Variants in PRDM16 observed in about 807,000 individuals in gnomAD.
The protein encoded by PRDM16 is PR/SET domain 16, also known as histone-lysine N-methyltransferase PRDM16.
Under a neutral mutation model 110.6 loss-of-function variants are expected in PRDM16, and 23 were observed. That is an observed-to-expected ratio of 0.21 (90% CI 0.15 to 0.29). The LOEUF (loss-of-function observed/expected upper bound fraction) is 0.29. Ranked by LOEUF, PRDM16 falls within the 10% of genes least tolerant of loss-of-function variation. The probability of loss-of-function intolerance (pLI) is 1.00; values close to 1 mark genes in which losing one functional copy is unlikely to be tolerated. For missense variants in PRDM16, 1,615 were observed against 1,794.3 expected (o/e 0.90, Z 1.81); for synonymous variants, 799 against 781.8 (o/e 1.02, Z -0.37).
intron 1 of PRDM16, among the ~76,000 whole-genome samples, chr1:3,129,835 C>T (rs1029765656): frequency 6.6e-6 from 1 of 151,852 alleles, no homozygotes; most frequent in Admixed American, 6.5e-5. Context: ...TCTCTTTCCC[C>T]CTCTCTGTCT....
intron 1 of PRDM16, among the ~76,000 whole-genome samples, chr1:3,147,529 G>A (rs1356925016): frequency 6.6e-6 from 1 of 152,138 alleles, no homozygotes; most frequent in Non-Finnish European, 1.5e-5. Context: ...TTCTCTTTGA[G>A]AAATGGGATC....
At chr1:3,352,886 G>A (rs895700778) in intron 3 of PRDM16, among the ~76,000 whole-genome samples, 1 of 150,536 alleles carries the variant, frequency 6.6e-6, no homozygotes. Context: ...CAGTCAGGCC[G>A]CATTTGGTGT....
Position 3,402,890 on chromosome 1 carries a change from C to A in PRDM16, c.776C>A (p.Ala259Glu). The change falls in exon 6 of 17, where the codon GCG becomes GAG. Residue 259 changes from alanine to glutamate, a missense_variant. Coordinates refer to ENST00000270722, the MANE Select transcript of PRDM16 (RefSeq NM_022114.4). ...TACACGTGTGGCTCAGTGGGGGCTG[C>A]GCTCTACGAGGGCCTGGCTGAGGAG... ...KKYTCGSVGA[A>E]LYEGLAEELK... is the part of the protein sequence containing the mutation. 6.2e-7 allele frequency: 1 copy of A among 1,613,020 alleles called. No individual in the cohort carries two copies. The highest frequency in any genetic ancestry group is 8.5e-7 in the Non-Finnish European group (1 of 1,179,990).
chr1:3,417,800 C>T (rs774289596), intron 10 of PRDM16, 28 bp from the exon 11 acceptor site: 2 of 1,609,412 alleles, frequency 1.2e-6, no homozygotes, highest in Non-Finnish European at 8.5e-7. Flanking sequence ...TCAGCTGAGT[C>T]CATAACCTCC....
intron 2 of PRDM16, among the ~76,000 whole-genome samples, chr1:3,240,056 A>AGGAGGAGAGG (rs1220138751): frequency 2.9e-5 from 3 of 103,398 alleles, no homozygotes; most frequent in African/African-American, 1.2e-4. Flanking sequence ...AGGAGAGGAG[A>AGGAGGAGAGG]AGAGGAGAGG....
At chr1:3,162,448 A>G (rs1643906904) in intron 1 of PRDM16, among the ~76,000 whole-genome samples, 1 of 152,130 alleles carries the variant, frequency 6.6e-6, no homozygotes, top group African/African-American at 2.4e-5. Context: ...AAGCATATTC[A>G]CAACTCCCAA....
rs1312107445 is a variant in PRDM16, at chr1:3,206,376, G to A, written c.387+19902G>A. On this transcript the variant is annotated intron_variant, in intron 2 of 16. Coordinates refer to ENST00000270722, the MANE Select transcript of PRDM16 (RefSeq NM_022114.4). This position sits in a 1 kb window ranked among gnomAD's most constrained non-coding sequence, Gnocchi z 4.9. ...CACGGGGTTCCTCTCGGGGCACTGG[G>A]GATCCCGAAAGCGTGTCTGGTGCAG... 6.6e-6 allele frequency: 1 copy of A among 152,346 alleles called. No individual in the cohort carries two copies. Among genetic ancestry groups the A allele is most frequent in the Non-Finnish European group, 1.5e-5 (1 of 68,140 alleles). The allele number at this position is 152,346 out of a possible 1,614,324, so 9.4% of individuals were successfully genotyped here. A position where few individuals can be genotyped will look rare whatever the true frequency, so the allele number is the denominator to read the frequency against.
chr1:3,196,828 G>A (rs960078675), intron 2 of PRDM16, among the ~76,000 whole-genome samples: 3 of 152,240 alleles, frequency 2.0e-5, no homozygotes, highest in African/African-American at 7.2e-5. Flanking sequence ...GCCCAGAGAG[G>A]CTTTTCCTAA....
Position 3,411,935 on chromosome 1 carries a change from G to C in PRDM16, c.1738G>C (p.Glu580Gln). 1 of 1,613,704 alleles carries C rather than the reference G, an allele frequency of 6.2e-7. No homozygotes were observed. ...AGCTGCGGGGCCCGAGGAGAAGTTC[G>C]AGAGCCGCCTGGAGGACTCCTGTGT... ...TAAAGPEEKF[E>Q]SRLEDSCVEK... is the part of the protein sequence containing the mutation. Residue 580 changes from glutamate to glutamine, a missense_variant, in exon 9 of 17, where the codon GAG becomes CAG. Around this residue, in one of 5 missense-constraint regions of PRDM16, gnomAD observed 772 missense variants for 748.3 expected, o/e 1.03. Transcript: ENST00000270722.
intron 3 of PRDM16, among the ~76,000 whole-genome samples, chr1:3,337,903 C>CT (rs201007676): frequency 0.034 from 5,238 of 152,296 alleles, 314 homozygotes; most frequent in African/African-American, 0.12. Flanking sequence ...CACACATGGG[C>CT]ACTTGTGTAC....
At chr1:3,307,775 G>C (rs911789184) in intron 3 of PRDM16, 1 of 152,176 alleles carries the variant, frequency 6.6e-6, no homozygotes, top group Non-Finnish European at 1.5e-5. Context: ...AGGGATCCTG[G>C]TAGTAGCCCT....
At chr1:3,169,033 CA>C (rs2100756483) in intron 1 of PRDM16, among the ~76,000 whole-genome samples, 1 of 152,306 alleles carries the variant, frequency 6.6e-6, no homozygotes, top group East Asian at 1.9e-4. Context: ...GAAGCCTCCC[CA>C]CCCCTGTAAG....
rs757030502 is a variant in PRDM16 at position 3,373,331 on chromosome 1, CAGTG to C, written c.439-11818_439-11815del. Reference sequence around the variant, plus strand: ...CGGAAATCGCCATGCCCTGGAGAGACAGTGAGAGCCCCGCCCCAGCGTGCCTTTG... The same window carrying C: ...CGGAAATCGCCATGCCCTGGAGAGACAGAGCCCCGCCCCAGCGTGCCTTTG... On this transcript the variant is annotated intron_variant, in intron 3 of 16. Coordinates refer to ENST00000270722, the MANE Select transcript of PRDM16 (RefSeq NM_022114.4). Among the ~76,000 whole-genome samples the C allele has an allele frequency of 8.7e-4, 132 of 152,298 alleles. No individual in the cohort carries two copies. In the Middle Eastern group the frequency reaches 0.014, roughly 16 times the overall value.
intron 12 of PRDM16, among the ~76,000 whole-genome samples, chr1:3,423,358 C>T (rs1044929284): frequency 2.0e-5 from 3 of 152,204 alleles, no homozygotes; most frequent in Admixed American, 1.3e-4. Context: ...CAGCAGCACC[C>T]GGAAGGTGTG....
rs982987495 is a variant in PRDM16, at chr1:3,390,638, G to C, written c.573+5352G>C. Among the ~76,000 whole-genome samples the C allele has an allele frequency of 2.6e-5, 4 of 152,160 alleles. No individual in the cohort carries two copies. Among genetic ancestry groups the C allele is most frequent in the African/African-American group, 9.7e-5 (4 of 41,446 alleles). On this transcript the variant is annotated intron_variant, in intron 4 of 16. Coordinates refer to ENST00000270722, the MANE Select transcript of PRDM16 (RefSeq NM_022114.4). The surrounding 1 kb of genome is among the most constrained non-coding windows in gnomAD (Gnocchi z 5.0). Reference sequence around the variant, plus strand: ...CGCGCGGGTTGTTCATGAGAACCAGGTGTCTCTCGGGTCGGCGGAGGGCAT... The same window carrying C: ...CGCGCGGGTTGTTCATGAGAACCAGCTGTCTCTCGGGTCGGCGGAGGGCAT...
intron 3 of PRDM16, among the ~76,000 whole-genome samples, chr1:3,338,360 A>G (rs1642204145): frequency 6.6e-6 from 1 of 152,214 alleles, no homozygotes; most frequent in South Asian, 2.1e-4. Context: ...GCCCCAGGAC[A>G]TTTGGCCTCT....
chr1:3,347,432 C>T (rs938409969), intron 3 of PRDM16, among the ~76,000 whole-genome samples: 1 of 152,212 alleles, frequency 6.6e-6, no homozygotes, highest in Non-Finnish European at 1.5e-5. Flanking sequence ...GGTGCAGGTC[C>T]CACTGGCGAG....
intron 1 of PRDM16, among the ~76,000 whole-genome samples, chr1:3,075,614 A>T (rs762971247): frequency 1.3e-5 from 2 of 152,408 alleles, no homozygotes; most frequent in African/African-American, 2.4e-5. Context: ...CACTGTTAAA[A>T]TAATTTATAA....
At chr1:3,418,045 T>G (rs539552434) in intron 11 of PRDM16, 48 bp downstream of exon 11, 2 of 1,509,780 alleles carry the variant, frequency 1.3e-6, no homozygotes, top group South Asian at 2.4e-5. Flanking sequence ...GGGGCTCGAG[T>G]GCCACACCTG....
Sources: gnomAD v4.1 joint callset for allele counts (sites outside exome capture counted in the v4.1 genomes callset) on GRCh38, gnomAD v4.1.1 for gene constraint, gnomAD v4.1.1 regional missense constraint, Gnocchi (gnomAD v3.1) non-coding constraint, MANE v1.5 for transcripts, NCBI Gene and HGNC (gene_info 2026-07-23, HGNC 2026-07-21) for gene names.